Variants in SLCO1B1 observed in about 807,000 individuals in gnomAD.
The protein encoded by SLCO1B1 is solute carrier organic anion transporter family member 1B1, also known as OATP-2.
Under a neutral mutation model 70.1 loss-of-function variants are expected in SLCO1B1, and 81 were observed. That is an observed-to-expected ratio of 1.16 (90% CI 0.97 to 1.39). SLCO1B1 has a LOEUF of 1.39. Among genes scored for constraint, SLCO1B1 ranks in the 40% most tolerant of loss-of-function variants. The pLI is 0.00. For synonymous variants in SLCO1B1, 283 were observed against 271.5 expected (o/e 1.04, Z -0.42); for missense variants, 895 against 799.6 (o/e 1.12, Z -1.44).
At chr12:21,220,096 T>C (rs1941405193) in intron 12 of SLCO1B1, among the ~76,000 whole-genome samples, 1 of 152,176 alleles carries the variant, frequency 6.6e-6, no homozygotes, top group South Asian at 2.1e-4. Flanking sequence ...CAGTAGGGTT[T>C]GCTGAGACAT....
rs191263540 is a variant in SLCO1B1, at chr12:21,165,175, G to C, written c.85-7475G>C. ...GCCATAATAAATTAATGACCGATCTGCCATGATTGCAGGCAAGTAGAGACT... is the reference window on the plus strand; with the variant it reads ...GCCATAATAAATTAATGACCGATCTCCCATGATTGCAGGCAAGTAGAGACT... On this transcript the variant is annotated intron_variant, in intron 2 of 14. Transcript: ENST00000256958. Among the ~76,000 whole-genome samples, 304 of 152,232 alleles carry C rather than the reference G, an allele frequency of 2.0e-3. 1 individual carries two copies. Among genetic ancestry groups the C allele is most frequent in the African/African-American group, 6.5e-3 (272 of 41,548 alleles).
At chr12:21,195,335 C>T (rs538151854) in intron 7 of SLCO1B1, among the ~76,000 whole-genome samples, 2 of 152,192 alleles carry the variant, frequency 1.3e-5, no homozygotes, top group Non-Finnish European at 2.9e-5. Flanking sequence ...ACTTGGTCAA[C>T]TCCCAGAAAA....
At chr12:21,228,536 T>C (rs1408991806) in intron 14 of SLCO1B1, among the ~76,000 whole-genome samples, 1 of 152,168 alleles carries the variant, frequency 6.6e-6, no homozygotes, top group African/African-American at 2.4e-5. Context: ...AGTTTGCTAA[T>C]TAGCTGAACT....
intron 7 of SLCO1B1, among the ~76,000 whole-genome samples, chr12:21,182,038 C>G (rs1252758925): frequency 6.6e-6 from 1 of 151,970 alleles, no homozygotes; most frequent in Non-Finnish European, 1.5e-5. Flanking sequence ...TGAGGAAGCC[C>G]AAAATATTGA....
intron 2 of SLCO1B1, among the ~76,000 whole-genome samples, chr12:21,171,194 G>C (rs1439964544): frequency 6.6e-6 from 1 of 152,192 alleles, no homozygotes. Context: ...AGGAATGAAT[G>C]ATAGAAATAC....
At chr12:21,211,280 C>A (rs1941281013) in intron 11 of SLCO1B1, among the ~76,000 whole-genome samples, 1 of 151,934 alleles carries the variant, frequency 6.6e-6, no homozygotes, top group South Asian at 2.1e-4. Flanking sequence ...AGTGTTGTTG[C>A]ATTTTGTCAA....
chr12:21,233,574 A>C lies in SLCO1B1; in HGVS notation c.1866-5405A>C, dbSNP rs1157569305. Among the ~76,000 whole-genome samples, 7 of 138,810 alleles carry C rather than the reference A, an allele frequency of 5.0e-5. No individual in the cohort carries two copies. In the East Asian group the frequency reaches 6.4e-4, roughly 13 times the overall value. The allele number at this position is 138,810 out of a possible 152,430, so 91.1% of individuals were successfully genotyped here. A position where few individuals can be genotyped will look rare whatever the true frequency, so the allele number is the denominator to read the frequency against. ...CCTCAAAAAAAAAACAAACAAACAA[A>C]AAAAAAAAAACAAGAGCCCCAAAGG... On this transcript the variant is annotated intron_variant, in intron 14 of 14. Coordinates refer to ENST00000256958, the MANE Select transcript of SLCO1B1 (RefSeq NM_006446.5).
chr12:21,208,124 GCAGAAGCT>G (rs145964067), intron 11 of SLCO1B1, among the ~76,000 whole-genome samples: 27,134 of 151,590 alleles, frequency 0.18, 2,736 homozygotes, highest in East Asian at 0.44. Flanking sequence ...TTTTTGTTGT[GCAGAAGCT>G]CATTAGTTTA....
intron 11 of SLCO1B1, among the ~76,000 whole-genome samples, chr12:21,208,279 A>C (rs73063122): frequency 0.19 from 28,413 of 151,996 alleles, 2,997 homozygotes; most frequent in East Asian, 0.44. Flanking sequence ...TTTACATTTC[A>C]GTCTGTAATA....
chr12:21,151,201 A>T (rs1447276892), intron 2 of SLCO1B1, among the ~76,000 whole-genome samples: 1 of 152,200 alleles, frequency 6.6e-6, no homozygotes. Flanking sequence ...CACAGAAAAG[A>T]TAAAGTAAAA....
intron 14 of SLCO1B1, among the ~76,000 whole-genome samples, chr12:21,231,081 T>C (rs779974473): frequency 3.3e-5 from 5 of 151,314 alleles, no homozygotes; most frequent in Non-Finnish European, 5.9e-5. Flanking sequence ...CATTTGGTTT[T>C]TTTGTCCTTG....
intron 14 of SLCO1B1, among the ~76,000 whole-genome samples, chr12:21,236,423 T>C (rs994818892): frequency 6.6e-6 from 1 of 152,152 alleles, no homozygotes; most frequent in Non-Finnish European, 1.5e-5. Context: ...TGGCATACCA[T>C]AGATGCACCA....
chr12:21,173,331 T>G (rs1200930996), intron 3 of SLCO1B1, among the ~76,000 whole-genome samples: 1 of 152,162 alleles, frequency 6.6e-6, no homozygotes, highest in African/African-American at 2.4e-5. Flanking sequence ...CATATTTGTG[T>G]TTTTCCCTAT....
chr12:21,146,406 A>G (rs1365886726), intron 2 of SLCO1B1, among the ~76,000 whole-genome samples: 3 of 151,914 alleles, frequency 2.0e-5, no homozygotes, highest in Non-Finnish European at 2.9e-5. Context: ...GGTTTTGTCA[A>G]TTTCCTCTAT....
chr12:21,233,571 CAAAAA>C (rs60313934), intron 14 of SLCO1B1, among the ~76,000 whole-genome samples: 2 of 137,618 alleles, frequency 1.5e-5, no homozygotes, highest in East Asian at 2.3e-4. Flanking sequence ...AACAAACAAA[CAAAAA>C]AAAAAAAACA....
intron 7 of SLCO1B1, among the ~76,000 whole-genome samples, chr12:21,189,781 A>G (rs963421598): frequency 1.3e-5 from 2 of 152,106 alleles, no homozygotes; most frequent in African/African-American, 4.8e-5. Flanking sequence ...GTACACTCTA[A>G]TGTTTTGAAA....
chr12:21,212,994 C>A (rs1196121709), intron 11 of SLCO1B1, among the ~76,000 whole-genome samples: 1 of 151,874 alleles, frequency 6.6e-6, no homozygotes, highest in Non-Finnish European at 1.5e-5. Context: ...ATACAGCACA[C>A]TGATGGGTCT....
chr12:21,149,644 G>A (rs1340401719), intron 2 of SLCO1B1, among the ~76,000 whole-genome samples: 2 of 152,136 alleles, frequency 1.3e-5, no homozygotes, highest in East Asian at 3.9e-4. Flanking sequence ...ACGAGGGACT[G>A]TGCCCTGAGG....
chr12:21,194,144 A>C (rs1397937888), intron 7 of SLCO1B1, among the ~76,000 whole-genome samples: 2 of 151,564 alleles, frequency 1.3e-5, no homozygotes. Flanking sequence ...TATGAACAAA[A>C]TGCAGCCAAG....
Sources: gnomAD v4.1 joint callset for allele counts (sites outside exome capture counted in the v4.1 genomes callset) on GRCh38, gnomAD v4.1.1 for gene constraint, MANE v1.5 for transcripts, NCBI Gene and HGNC (gene_info 2026-07-23, HGNC 2026-07-21) for gene names.